Variants in RC3H1 observed in about 807,000 individuals in gnomAD.
RC3H1 encodes ring finger and CCCH-type domains 1.
In RC3H1, 50 loss-of-function variants were observed where a neutral mutation model predicts 138.2. The ratio of observed to expected loss-of-function variants is 0.36; its 90% CI spans 0.29 to 0.46. RC3H1 has a LOEUF of 0.46. Ranked by LOEUF, RC3H1 falls within the 20% of genes least tolerant of loss-of-function variation. The probability of loss-of-function intolerance (pLI) is 1.00; values close to 1 mark genes in which losing one functional copy is unlikely to be tolerated. For synonymous variants in RC3H1, 462 were observed against 489.1 expected (o/e 0.94, Z 0.73); for missense variants, 1,031 against 1,388.1 (o/e 0.74, Z 4.09).
intron 14 of RC3H1, among the ~76,000 whole-genome samples, chr1:173,951,328 C>G (rs974930756): frequency 6.6e-6 from 1 of 151,556 alleles, no homozygotes; most frequent in Non-Finnish European, 1.5e-5. Context: ...TCCATCCCCC[C>G]CCCAAAAAAA....
At chr1:174,003,260 G>A (rs893888632) in intron 1 of RC3H1, among the ~76,000 whole-genome samples, 14 of 152,066 alleles carry the variant, frequency 9.2e-5, no homozygotes, top group East Asian at 5.8e-4. Context: ...GGTGGTGGGC[G>A]CTTGTAATCC....
In RC3H1 at chr1:173,943,578, T is replaced by C. The variant is rs1288261153; in HGVS notation, c.2999A>G (p.Asn1000Ser). The change falls in exon 18 of 20, where the codon AAC becomes AGC. Residue 1000 changes from asparagine to serine, a missense_variant. Asn to Ser is a conservative substitution (Grantham distance 46, BLOSUM62 1). This residue lies in a region of RC3H1 where 716 missense variants were observed against 837.9 expected (regional missense o/e 0.85). Transcript: ENST00000367696. ...SNRLVLQREANTLAGQSQPPP... is the reference protein window; with the variant it reads ...SNRLVLQREASTLAGQSQPPP... ...GGGCTGTGACTGGCCTGCCAGGGTGTTTGCCTCCCTCTGCAACACCAGCCT... is the reference window on the plus strand; with the variant it reads ...GGGCTGTGACTGGCCTGCCAGGGTGCTTGCCTCCCTCTGCAACACCAGCCT... 1 of 1,613,826 alleles carries C rather than the reference T, an allele frequency of 6.2e-7. No homozygotes were observed. Among genetic ancestry groups the C allele is most frequent in the Admixed American group, 1.7e-5 (1 of 59,976 alleles).
intron 2 of RC3H1, among the ~76,000 whole-genome samples, chr1:173,989,211 G>A: frequency 6.6e-6 from 1 of 151,678 alleles, no homozygotes; most frequent in East Asian, 1.9e-4. Flanking sequence ...TTTTGTTGTT[G>A]TTGTTATTTT....
intron 7 of RC3H1, 109 bp downstream of exon 7, chr1:173,978,379 G>A: frequency 8.9e-7 from 1 of 1,123,268 alleles, no homozygotes; most frequent in Non-Finnish European, 1.3e-6. Flanking sequence ...AAAAGATCTG[G>A]AGTAACTACT....
At chr1:173,955,944 A>C (rs1000519017) in intron 13 of RC3H1, among the ~76,000 whole-genome samples, 1 of 152,050 alleles carries the variant, frequency 6.6e-6, no homozygotes, top group Non-Finnish European at 1.5e-5. Flanking sequence ...CAGCCTGGCC[A>C]ACATGGTGAA....
At chr1:174,013,816 G>A (rs1024412726) in intron 1 of RC3H1, among the ~76,000 whole-genome samples, 1 of 151,462 alleles carries the variant, frequency 6.6e-6, no homozygotes, top group African/African-American at 2.4e-5. Flanking sequence ...AGTGGCTCAC[G>A]CCTATAATCC....
At chr1:173,958,241 C>T (rs115322501) in intron 13 of RC3H1, among the ~76,000 whole-genome samples, 4 of 152,072 alleles carry the variant, frequency 2.6e-5, no homozygotes, top group African/African-American at 7.2e-5. Flanking sequence ...AATACGATTA[C>T]TTTAAAGTTG....
intron 5 of RC3H1, among the ~76,000 whole-genome samples, chr1:173,981,983 AT>A (rs1362814073): frequency 5.3e-5 from 8 of 152,212 alleles, no homozygotes; most frequent in Non-Finnish European, 1.2e-4. Context: ...TGCTTATTCA[AT>A]TTGGGATAAG....
chr1:174,016,032 C>G (rs1661857232), intron 1 of RC3H1: 1 of 152,052 alleles, frequency 6.6e-6, no homozygotes, highest in Non-Finnish European at 1.5e-5. Context: ...GAAATCCCAT[C>G]TCTACTGAAA....
At chr1:173,984,987 T>C (rs1012029283) in intron 2 of RC3H1, among the ~76,000 whole-genome samples, 3 of 152,162 alleles carry the variant, frequency 2.0e-5, no homozygotes, top group Middle Eastern at 3.2e-3. Context: ...TTCCCAACCA[T>C]CCACCAACCT....
chr1:173,983,770 A>G, intron 3 of RC3H1, 113 bp from the exon 4 acceptor site: 1 of 1,005,590 alleles, frequency 9.9e-7, no homozygotes, highest in Non-Finnish European at 1.5e-6. Context: ...GGACTACTAG[A>G]GTATTTAAAA....
rs571801899 is a variant in RC3H1, at chr1:173,974,277, CAAAAAAA to C, written c.1103-1657_1103-1651del. 1.8e-3 allele frequency among the ~76,000 whole-genome samples: 85 copies of C among 47,192 alleles called. No homozygotes were observed. The South Asian group carries it at 0.021, about 11-fold the overall frequency. The allele number at this position is 47,192 out of a possible 152,430, so 31.0% of individuals were successfully genotyped here. On this transcript the variant is annotated intron_variant, in intron 7 of 19. Transcript: ENST00000367696. ...CCTGGTCAATAGAGGGAGACTGTCT[CAAAAAAA>C]AAAAAAAAAAAAAAAAAAAAAATTT...
chr1:173,999,095 A>G (rs971863363), intron 1 of RC3H1, among the ~76,000 whole-genome samples: 28 of 62,628 alleles, frequency 4.5e-4, no homozygotes, highest in African/African-American at 1.1e-3. Flanking sequence ...CCCCATCTCT[A>G]AAAAAAAAAA....
intron 5 of RC3H1, 109 bp downstream of exon 5, chr1:173,982,618 G>T: frequency 1.1e-6 from 1 of 942,322 alleles, no homozygotes; most frequent in East Asian, 2.7e-5. Flanking sequence ...AAATTGCTGA[G>T]ATTTTCTGAA....
At chr1:174,017,797 A>C (rs1661888498) in intron 1 of RC3H1, among the ~76,000 whole-genome samples, 1 of 150,544 alleles carries the variant, frequency 6.6e-6, no homozygotes, top group Non-Finnish European at 1.5e-5. Context: ...AAAAAAAAAA[A>C]AAAAAAAAAA....
intron 1 of RC3H1, among the ~76,000 whole-genome samples, chr1:174,018,726 GA>G (rs1336986035): frequency 6.6e-6 from 1 of 152,186 alleles, no homozygotes; most frequent in Non-Finnish European, 1.5e-5. Context: ...CAATCCTGCA[GA>G]ATACCTGAAC....
intron 1 of RC3H1, among the ~76,000 whole-genome samples, chr1:174,001,905 T>C (rs1661570209): frequency 6.6e-6 from 1 of 152,238 alleles, no homozygotes. Context: ...ACACTAAGGA[T>C]GTAATAAAAA....
chr1:173,961,687 C>G (rs1165891374), intron 12 of RC3H1, 38 bp downstream of exon 12: 1 of 1,554,020 alleles, frequency 6.4e-7, no homozygotes, highest in Non-Finnish European at 8.7e-7. Flanking sequence ...AAGCAACAGT[C>G]AAATTAAGTC....
rs1659997086 is a variant in RC3H1, at chr1:173,964,131, G to C, written c.1673C>G (p.Pro558Arg). The change falls in exon 11 of 20, where the codon CCT becomes CGT. Residue 558 changes from proline to arginine, a missense_variant. Transcript: ENST00000367696. ...SALPVNPHSIPPRGPADLPPM... is the reference protein window; with the variant it reads ...SALPVNPHSIRPRGPADLPPM... ...AGGCAGATCTGCTGGCCCCCTTGGA[G>C]GTATAGAATGTGGATTCACAGGTAA... 1 of 1,613,966 alleles carries C rather than the reference G, an allele frequency of 6.2e-7. No individual in the cohort carries two copies. Among genetic ancestry groups the C allele is most frequent in the African/African-American group, 1.3e-5 (1 of 74,886 alleles).
Sources: allele counts gnomAD v4.1 joint callset (sites outside exome capture counted in the v4.1 genomes callset), GRCh38; gene constraint gnomAD v4.1.1; regional missense constraint gnomAD v4.1.1; transcripts MANE v1.5; gene names NCBI Gene and HGNC (gene_info 2026-07-23, HGNC 2026-07-21).